The following NMNAT2 variants were observed in gnomAD, a reference collection of about 807,000 sequenced individuals.
NMNAT2 encodes the protein nicotinamide/nicotinic acid mononucleotide adenylyltransferase 2.
NMNAT2 carries 11 observed loss-of-function variants against 41.6 expected under a neutral mutation model. That is an observed-to-expected ratio of 0.26 (90% CI 0.17 to 0.44). The LOEUF is 0.44. Among genes scored for constraint, NMNAT2 ranks in the 20% least tolerant of loss-of-function variants. NMNAT2 has a pLI of 1.00. For missense variants in NMNAT2, 288 were observed against 407.7 expected (o/e 0.71, Z 2.53); for synonymous variants, 148 against 151.2 (o/e 0.98, Z 0.16).
chr1:183,293,532 G>A (rs1661600415), intron 2 of NMNAT2, among the ~76,000 whole-genome samples, 173 bp downstream of exon 2: 2 of 152,232 alleles, frequency 1.3e-5, no homozygotes, highest in South Asian at 2.1e-4. Context: ...CATCCACTCA[G>A]GTCCGACTGT....
intron 1 of NMNAT2, among the ~76,000 whole-genome samples, chr1:183,387,353 T>G (rs1282446793): frequency 6.6e-6 from 1 of 151,910 alleles, no homozygotes; most frequent in African/African-American, 2.4e-5. Context: ...ATAAGACTAG[T>G]AAGAAAAAAA....
At chr1:183,319,068 T>C (rs1288718216) in intron 1 of NMNAT2, among the ~76,000 whole-genome samples, 3 of 152,148 alleles carry the variant, frequency 2.0e-5, no homozygotes, top group Non-Finnish European at 4.4e-5. Flanking sequence ...GCATGCCCCA[T>C]ACCCCCACAT....
chr1:183,330,462 G>C (rs1314132914), intron 1 of NMNAT2, among the ~76,000 whole-genome samples: 1 of 152,156 alleles, frequency 6.6e-6, no homozygotes, highest in Non-Finnish European at 1.5e-5. Flanking sequence ...GACAGGTGCT[G>C]GCTTTCAGCT....
chr1:183,333,236 G>A (rs1409810131), intron 1 of NMNAT2, among the ~76,000 whole-genome samples: 1 of 152,186 alleles, frequency 6.6e-6, no homozygotes, highest in African/African-American at 2.4e-5. Context: ...TCTTCAGAGA[G>A]GTCCTTGGGC....
At chr1:183,342,339 TCCA>T (rs1662838083) in intron 1 of NMNAT2, among the ~76,000 whole-genome samples, 1 of 151,980 alleles carries the variant, frequency 6.6e-6, no homozygotes, top group African/African-American at 2.4e-5. Context: ...ACAAAATTTT[TCCA>T]AAAAATAACA....
intron 10 of NMNAT2, among the ~76,000 whole-genome samples, chr1:183,255,127 T>C (rs925320075): frequency 6.6e-6 from 1 of 152,244 alleles, no homozygotes; most frequent in Non-Finnish European, 1.5e-5. Context: ...TTCATTCTTT[T>C]GCCTGTAGAA....
chr1:183,392,253 G>T (rs926782208), intron 1 of NMNAT2, among the ~76,000 whole-genome samples: 1 of 152,228 alleles, frequency 6.6e-6, no homozygotes, highest in South Asian at 2.1e-4. Flanking sequence ...ATTCTTCCAA[G>T]GGTTCAGGCC....
At chr1:183,290,841 A>G (rs1252476571) in intron 3 of NMNAT2, 1 of 152,238 alleles carries the variant, frequency 6.6e-6, no homozygotes, top group Non-Finnish European at 1.5e-5. Context: ...AACAATGGCC[A>G]GCCCCTCCGG....
chr1:183,268,223 T>C (rs982290829), intron 8 of NMNAT2, among the ~76,000 whole-genome samples: 1 of 152,210 alleles, frequency 6.6e-6, no homozygotes, highest in African/African-American at 2.4e-5. Flanking sequence ...GGAAGGAACG[T>C]AGAGTTTGCA....
chr1:183,322,037 C>T (rs1370629995), intron 1 of NMNAT2, among the ~76,000 whole-genome samples: 1 of 151,888 alleles, frequency 6.6e-6, no homozygotes, highest in East Asian at 1.9e-4. Context: ...GCTACTCAGG[C>T]TGGTTTGGAA....
chr1:183,400,165 C>T (rs1648768980), intron 1 of NMNAT2, among the ~76,000 whole-genome samples: 1 of 152,184 alleles, frequency 6.6e-6, no homozygotes, highest in Non-Finnish European at 1.5e-5. Flanking sequence ...TAGAAAACCC[C>T]ATCGTCTCAG....
intron 7 of NMNAT2, among the ~76,000 whole-genome samples, chr1:183,282,297 G>A (rs529343874): frequency 4.0e-4 from 61 of 152,354 alleles, no homozygotes; most frequent in African/African-American, 1.4e-3. Context: ...CCTGGCGGCT[G>A]GCTCACCATA....
At chr1:183,294,572 C>T (rs1316661595) in intron 1 of NMNAT2, among the ~76,000 whole-genome samples, 1 of 152,200 alleles carries the variant, frequency 6.6e-6, no homozygotes, top group African/African-American at 2.4e-5. Context: ...GCAGGTGGAT[C>T]ACAAGGTCAG....
intron 1 of NMNAT2, among the ~76,000 whole-genome samples, chr1:183,392,864 A>C (rs1034054222): frequency 6.6e-6 from 1 of 152,140 alleles, no homozygotes; most frequent in Non-Finnish European, 1.5e-5. Context: ...CCCCAACCCC[A>C]TACTCACTAG....
intron 7 of NMNAT2, among the ~76,000 whole-genome samples, chr1:183,279,545 G>A (rs917384537): frequency 3.3e-5 from 5 of 152,192 alleles, no homozygotes; most frequent in Admixed American, 6.5e-5. Flanking sequence ...GCCAGCACAG[G>A]CCCTGGGGCC....
chr1:183,415,828 G>T (rs73051915), intron 1 of NMNAT2, among the ~76,000 whole-genome samples: 1 of 152,060 alleles, frequency 6.6e-6, no homozygotes, highest in African/African-American at 2.4e-5. Flanking sequence ...TGTGTATTTT[G>T]TGTTCTTATT....
chr1:183,353,201 T>G (rs999973688), intron 1 of NMNAT2, among the ~76,000 whole-genome samples: 2 of 151,864 alleles, frequency 1.3e-5, no homozygotes, highest in Non-Finnish European at 2.9e-5. Context: ...AGAGACAGGG[T>G]TTCACCATCT....
At chr1:183,286,957 A>C (rs1399919539) in intron 4 of NMNAT2, among the ~76,000 whole-genome samples, 169 bp from the exon 5 acceptor site, 1 of 152,150 alleles carries the variant, frequency 6.6e-6, no homozygotes, top group African/African-American at 2.4e-5. Context: ...CTAGGCTGGC[A>C]GGAGCAGCTC....
At chr1:183,273,834 C>T (rs1268190901) in intron 8 of NMNAT2, among the ~76,000 whole-genome samples, 2 of 2,706 alleles carry the variant, frequency 7.4e-4, no homozygotes, top group East Asian at 0.033. Context: ...TCCCTCCCTC[C>T]CTCCCTCCCT....
Sources: allele counts gnomAD v4.1 joint callset (sites outside exome capture counted in the v4.1 genomes callset), GRCh38; gene constraint gnomAD v4.1.1; transcripts MANE v1.5; gene names NCBI Gene and HGNC (gene_info 2026-07-23, HGNC 2026-07-21).